Variants in HACE1 observed in about 807,000 individuals in gnomAD.
The protein encoded by HACE1 is HECT domain and ankyrin repeat containing E3 ubiquitin protein ligase 1.
A neutral mutation model predicts 118.4 loss-of-function variants in HACE1; 73 were observed. The observed-to-expected ratio is 0.62, with a 90% CI of 0.51 to 0.75. The LOEUF is 0.75. HACE1 is among the 30% of genes least tolerant of loss of function. HACE1 has a pLI of 0.00. For missense variants in HACE1, 749 were observed against 1,102.2 expected (o/e 0.68, Z 4.54); for synonymous variants, 368 against 374.8 (o/e 0.98, Z 0.21).
At chr6:104,773,972 A>G (rs997349240) in intron 17 of HACE1, among the ~76,000 whole-genome samples, 1 of 152,006 alleles carries the variant, frequency 6.6e-6, no homozygotes, top group African/African-American at 2.4e-5. Flanking sequence ...TAATAATAAT[A>G]GCATATAATA....
At chr6:104,735,661 C>A (rs1448169275) in intron 22 of HACE1, among the ~76,000 whole-genome samples, 1 of 152,034 alleles carries the variant, frequency 6.6e-6, no homozygotes, top group Non-Finnish European at 1.5e-5. Context: ...TGACTATACC[C>A]TGTGCTGATA....
intron 22 of HACE1, chr6:104,731,814 G>T (rs1056968652): frequency 1.3e-5 from 2 of 149,846 alleles, no homozygotes; most frequent in Non-Finnish European, 3.0e-5. Context: ...ATTTGGCAAC[G>T]ATTTATTGAA....
At chr6:104,827,703 A>G (rs1408796395) in intron 6 of HACE1, among the ~76,000 whole-genome samples, 1 of 152,154 alleles carries the variant, frequency 6.6e-6, no homozygotes, top group Non-Finnish European at 1.5e-5. Context: ...AATGTTTTCA[A>G]TTAAGTTTAC....
Position 104,784,404 on chromosome 6 carries a change from C to T in HACE1, c.1478+13G>A. 1 of 1,582,278 alleles carries T rather than the reference C, an allele frequency of 6.3e-7. No homozygotes were observed. The highest frequency in any genetic ancestry group is 1.7e-4 in the Middle Eastern group (1 of 6,006). ...AAGGCTAGCAGGGTACTCCACAAAC[C>T]CAGAAAGCTTACCTATTAACAAAGC... On this transcript the variant is annotated intron_variant, in intron 13 of 23. Coordinates refer to ENST00000262903, the MANE Select transcript of HACE1 (RefSeq NM_020771.4).
At chr6:104,857,893 C>T (rs1430005197) in intron 1 of HACE1, among the ~76,000 whole-genome samples, 4 of 148,820 alleles carry the variant, frequency 2.7e-5, no homozygotes, top group Non-Finnish European at 4.4e-5. Flanking sequence ...GGAGGCAGAG[C>T]TTGCAGTGAG....
In HACE1 at chr6:104,729,383, G is replaced by A. The variant is rs1774965540; in HGVS notation, c.*279C>T. 1 of 397,842 alleles carries A rather than the reference G, an allele frequency of 2.5e-6. No homozygotes were observed. The highest frequency in any genetic ancestry group is 2.1e-5 in the African/African-American group (1 of 48,598). 24.6% of individuals were successfully genotyped at this position (397,842 alleles called of 1,614,324 possible). A position where few individuals can be genotyped will look rare whatever the true frequency, so the allele number is the denominator to read the frequency against. ...TCAGATTTTGCCTTAATACAATCTT[G>A]GATAAAATTAATTATGAAAAAGGAC... is the stretch of plus-strand genomic sequence containing the variant. On this transcript the variant is annotated 3_prime_UTR_variant, in exon 24 of 24. Transcript: ENST00000262903.
chr6:104,810,421 A>C (rs1049600886), intron 7 of HACE1, among the ~76,000 whole-genome samples: 3 of 152,064 alleles, frequency 2.0e-5, no homozygotes, highest in Non-Finnish European at 4.4e-5. Flanking sequence ...ATAAAACAGA[A>C]AAAAAGAAGA....
chr6:104,763,009 A>G (rs1779576729), intron 19 of HACE1, among the ~76,000 whole-genome samples: 1 of 151,544 alleles, frequency 6.6e-6, no homozygotes, highest in Non-Finnish European at 1.5e-5. Context: ...AAAAAAAAAA[A>G]AAGAATCAGT....
chr6:104,803,821 C>G (rs1770681422), intron 7 of HACE1, among the ~76,000 whole-genome samples: 1 of 152,166 alleles, frequency 6.6e-6, no homozygotes, highest in Non-Finnish European at 1.5e-5. Context: ...AGGATGCCGT[C>G]TCTCACCACT....
chr6:104,762,414 T>C (rs1415479118), intron 19 of HACE1, among the ~76,000 whole-genome samples: 5 of 152,020 alleles, frequency 3.3e-5, no homozygotes, highest in Non-Finnish European at 7.4e-5. Flanking sequence ...ATGGATGAAG[T>C]GGGAAACCAT....
At position 104,814,274 on chromosome 6, in the gene HACE1, A is replaced by G. The variant is rs1251590775; in HGVS notation, c.535-2881T>C. Among the ~76,000 whole-genome samples the G allele has an allele frequency of 2.2e-5, 3 of 137,762 alleles. 1 individual carries two copies. The highest frequency in any genetic ancestry group is 3.1e-5 in the Non-Finnish European group (2 of 64,234). The allele number at this position is 137,762 out of a possible 152,430, so 90.4% of individuals were successfully genotyped here. On this transcript the variant is annotated intron_variant, in intron 6 of 23. Transcript: ENST00000262903. ...CAAAAGACCTTCAACGAGGCATGTC[A>G]AAGTGAAATTTCATGATAACATCAG...
chr6:104,797,281 G>T (rs1769760152), intron 7 of HACE1, among the ~76,000 whole-genome samples: 1 of 151,356 alleles, frequency 6.6e-6, no homozygotes, highest in East Asian at 1.9e-4. Context: ...TAATATTTTG[G>T]GGATAAGTAA....
At chr6:104,744,403 A>G in intron 21 of HACE1, 109 bp downstream of exon 21, 1 of 829,706 alleles carries the variant, frequency 1.2e-6, no homozygotes, top group South Asian at 1.4e-5. Flanking sequence ...TAATTTGGGT[A>G]AACACTTTAC....
chr6:104,800,034 T>A (rs923867971), intron 7 of HACE1, among the ~76,000 whole-genome samples: 3 of 152,030 alleles, frequency 2.0e-5, no homozygotes, highest in African/African-American at 7.2e-5. Context: ...AAGGTCTTAG[T>A]AAACGACACA....
intron 11 of HACE1, among the ~76,000 whole-genome samples, chr6:104,788,785 A>C (rs1173859138): frequency 6.6e-6 from 1 of 152,166 alleles, no homozygotes; most frequent in Admixed American, 6.5e-5. Context: ...TTCCCAAGGC[A>C]CTAGATAAAC....
At chr6:104,774,502 A>C (rs1418212577) in intron 17 of HACE1, among the ~76,000 whole-genome samples, 1 of 152,034 alleles carries the variant, frequency 6.6e-6, no homozygotes, top group Admixed American at 6.6e-5. Flanking sequence ...CTCCTCCCTC[A>C]GCCTACCAAG....
chr6:104,769,966 A>T (rs971551847), intron 19 of HACE1, among the ~76,000 whole-genome samples: 1 of 152,202 alleles, frequency 6.6e-6, no homozygotes, highest in Non-Finnish European at 1.5e-5. Context: ...AAACTACCCA[A>T]TACAACTAAC....
At chr6:104,749,400 AAAATT>A (rs1468640262) in intron 20 of HACE1, among the ~76,000 whole-genome samples, 3 of 152,132 alleles carry the variant, frequency 2.0e-5, no homozygotes, top group African/African-American at 7.2e-5. Context: ...AATGGACTTC[AAAATT>A]AATTAGCAAA....
chr6:104,803,199 A>C (rs1177922008), intron 7 of HACE1, among the ~76,000 whole-genome samples: 4 of 152,234 alleles, frequency 2.6e-5, no homozygotes, highest in Admixed American at 2.6e-4. Context: ...GGCAATAATT[A>C]ATAGCCTACC....
Sources: allele counts gnomAD v4.1 joint callset (sites outside exome capture counted in the v4.1 genomes callset), GRCh38; gene constraint gnomAD v4.1.1; transcripts MANE v1.5; gene names NCBI Gene and HGNC (gene_info 2026-07-23, HGNC 2026-07-21).